The following MAST4 variants were observed in gnomAD, a reference collection of about 807,000 sequenced individuals.
MAST4 encodes microtubule-associated serine/threonine-protein kinase 4.
In MAST4, 89 loss-of-function variants were observed where a neutral mutation model predicts 162.7. That is an observed-to-expected ratio of 0.55 (90% CI 0.46 to 0.65). The LOEUF is 0.65. Among genes scored for constraint, MAST4 ranks in the 30% least tolerant of loss-of-function variants. The pLI, the probability that MAST4 is intolerant of heterozygous loss-of-function variation, is 0.00. For synonymous variants in MAST4, 1,479 were observed against 1,361.1 expected (o/e 1.09, Z -1.91); for missense variants, 3,153 against 3,374.0 (o/e 0.93, Z 1.62).
chr5:66,981,991 A>G lies in MAST4; in HGVS notation c.675-72413A>G, dbSNP rs191280356. ...ATTTTTTATTGTGTTTGAGGCAGCC[A>G]TAAAGTGATTTGAGGCCTCAATTTT... On this transcript the variant is annotated intron_variant, in intron 4 of 28. Transcript: ENST00000403625. Among the ~76,000 whole-genome samples the G allele has an allele frequency of 2.3e-3, 351 of 152,308 alleles. 5 individuals are homozygous for G. Among genetic ancestry groups the G allele is most frequent in the African/African-American group, 7.8e-3 (324 of 41,566 alleles).
chr5:66,838,170 C>T (rs139407883), intron 3 of MAST4, among the ~76,000 whole-genome samples: 41 of 151,956 alleles, frequency 2.7e-4, no homozygotes, highest in African/African-American at 9.2e-4. Context: ...TAGAAAACCA[C>T]CTCCAGGGCA....
At chr5:66,830,868 ATG>A (rs1733627506) in intron 3 of MAST4, among the ~76,000 whole-genome samples, 1 of 152,336 alleles carries the variant, frequency 6.6e-6, no homozygotes, top group East Asian at 1.9e-4. Context: ...ATAGATAGCT[ATG>A]TGGAACATTT....
chr5:67,162,096 G>T (rs1380358433), intron 27 of MAST4, among the ~76,000 whole-genome samples: 1 of 152,182 alleles, frequency 6.6e-6, no homozygotes, highest in Non-Finnish European at 1.5e-5. Context: ...TGTACAGCCT[G>T]CATTGTTGTT....
chr5:67,163,455 C>T lies in MAST4; in HGVS notation c.4276C>T (p.His1426Tyr), dbSNP rs1457896509. Reference protein sequence around the residue: ...KMHSPPTIVRHIVRPKSAEPP... With the variant: ...KMHSPPTIVRYIVRPKSAEPP... Reference sequence around the variant, plus strand: ...GCACTCCCCGCCCACCATCGTCAGACACATCGTGAGGCCCAAGAGTGCGGA... The same window carrying T: ...GCACTCCCCGCCCACCATCGTCAGATACATCGTGAGGCCCAAGAGTGCGGA... Residue 1426 changes from histidine (H) to tyrosine (Y), a missense_variant, in exon 29 of 29, where the codon CAC becomes TAC. His to Tyr is a moderately conservative substitution (Grantham distance 83). This residue lies in a region of MAST4 where 619 missense variants were observed against 744.2 expected (regional missense o/e 0.83). Transcript: ENST00000403625. This position sits in a 1 kb window ranked among gnomAD's most constrained non-coding sequence, Gnocchi z 7.0. 1 of 1,613,392 alleles carries T rather than the reference C, an allele frequency of 6.2e-7. No homozygotes were observed. Among genetic ancestry groups the T allele is most frequent in the Non-Finnish European group, 8.5e-7 (1 of 1,179,888 alleles).
At chr5:66,657,509 CCATT>C (rs1272668203) in intron 1 of MAST4, among the ~76,000 whole-genome samples, 1 of 152,182 alleles carries the variant, frequency 6.6e-6, no homozygotes, top group Non-Finnish European at 1.5e-5. Flanking sequence ...TCCACCTCCT[CCATT>C]CAGTAGTAAT....
At chr5:66,750,866 G>A (rs1226702820) in intron 1 of MAST4, among the ~76,000 whole-genome samples, 1 of 152,222 alleles carries the variant, frequency 6.6e-6, no homozygotes, top group Non-Finnish European at 1.5e-5. Context: ...CAAAAAGACA[G>A]CAGTAACCTC....
chr5:66,789,636 G>A, intron 3 of MAST4: 1 of 484,776 alleles, frequency 2.1e-6, no homozygotes, highest in South Asian at 1.5e-5. Flanking sequence ...GTCCTCTTAA[G>A]GAATGAGGTC....
At chr5:66,672,975 A>G (rs1352779592) in intron 1 of MAST4, among the ~76,000 whole-genome samples, 1 of 152,140 alleles carries the variant, frequency 6.6e-6, no homozygotes, top group Non-Finnish European at 1.5e-5. Context: ...GCTTCCTGAT[A>G]TCTGCTGATC....
chr5:67,074,263 T>G (rs1312908839), intron 5 of MAST4, among the ~76,000 whole-genome samples: 1 of 152,144 alleles, frequency 6.6e-6, no homozygotes, highest in Admixed American at 6.6e-5. Flanking sequence ...AGTTTCCACT[T>G]GATTTGCAAA....
At chr5:66,883,807 G>A (rs746223600) in intron 3 of MAST4, among the ~76,000 whole-genome samples, 22 of 152,158 alleles carry the variant, frequency 1.4e-4, no homozygotes, top group Non-Finnish European at 2.5e-4. Context: ...CCTATGGTAT[G>A]GTAGTCATGT....
chr5:66,779,462 C>T (rs1262803266), intron 2 of MAST4, among the ~76,000 whole-genome samples: 1 of 145,406 alleles, frequency 6.9e-6, no homozygotes, highest in Non-Finnish European at 1.5e-5. Flanking sequence ...AACTTCTGCA[C>T]TTTCTGGTCA....
At chr5:66,894,810 A>G (rs190353463) in intron 3 of MAST4, among the ~76,000 whole-genome samples, 88 of 152,146 alleles carry the variant, frequency 5.8e-4, no homozygotes, top group Non-Finnish European at 1.1e-3. Context: ...TTTTGGAGGA[A>G]CTCCCAAAGT....
At chr5:66,689,465 CA>C (rs1345236218) in intron 1 of MAST4, among the ~76,000 whole-genome samples, 1 of 152,150 alleles carries the variant, frequency 6.6e-6, no homozygotes, top group Non-Finnish European at 1.5e-5. Flanking sequence ...TGACTTTTAT[CA>C]TTTTTAGGTG....
At chr5:66,998,529 A>G (rs993127090) in intron 4 of MAST4, among the ~76,000 whole-genome samples, 61 of 152,242 alleles carry the variant, frequency 4.0e-4, no homozygotes, top group African/African-American at 1.5e-3. Context: ...ACTGAAATTG[A>G]AATAGACAGG....
rs1233153980 is a variant in MAST4 at position 66,804,426 on chromosome 5, A to G, written c.642+15632A>G. Among the ~76,000 whole-genome samples the G allele has an allele frequency of 2.6e-5, 4 of 152,260 alleles. No individual in the cohort carries two copies. In the East Asian group the frequency reaches 5.8e-4, roughly 22 times the overall value. ...TGCAGGTCCGATGTCTGTCTGGTCT[A>G]CATGTCTTCCCGTGGGACCCAGGTG... On this transcript the variant is annotated intron_variant, in intron 3 of 28. Transcript: ENST00000403625.
Position 67,133,503 on chromosome 5 carries a change from C to G in MAST4, c.2094-11C>G, listed in dbSNP as rs754225201. The G allele has an allele frequency of 1.7e-5, 27 of 1,611,906 alleles. No homozygotes were observed. Among genetic ancestry groups the G allele is most frequent in the Non-Finnish European group, 2.2e-5 (26 of 1,178,606 alleles). ...AGTGATTATTGTGTTACATGTCCGT[C>G]TGCCTCATAGCTTGTTGGTTACCTC... On this transcript the variant is annotated splice_polypyrimidine_tract_variant and intron_variant, in intron 16 of 28. Transcript: ENST00000403625.
chr5:66,870,528 G>A (rs752994543), intron 3 of MAST4, among the ~76,000 whole-genome samples: 1 of 152,132 alleles, frequency 6.6e-6, no homozygotes, highest in Non-Finnish European at 1.5e-5. Flanking sequence ...TCTTAATACT[G>A]GGTTGTGTTT....
chr5:66,996,999 T>C (rs1750715273), intron 4 of MAST4, among the ~76,000 whole-genome samples: 1 of 152,252 alleles, frequency 6.6e-6, no homozygotes, highest in South Asian at 2.1e-4. Flanking sequence ...TTAGGATGTA[T>C]TAACAATTGC....
intron 2 of MAST4, among the ~76,000 whole-genome samples, chr5:66,783,633 C>T (rs953140843): frequency 1.3e-5 from 2 of 152,120 alleles, no homozygotes; most frequent in African/African-American, 4.8e-5. Context: ...GAATTGAGGG[C>T]ACACCTTTGG....
Sources: gnomAD v4.1 joint callset for allele counts (sites outside exome capture counted in the v4.1 genomes callset) on GRCh38, gnomAD v4.1.1 for gene constraint, gnomAD v4.1.1 regional missense constraint, Gnocchi (gnomAD v3.1) non-coding constraint, MANE v1.5 for transcripts, NCBI Gene and HGNC (gene_info 2026-07-23, HGNC 2026-07-21) for gene names.